Variants in ASRGL1 observed in about 807,000 individuals in gnomAD.
ASRGL1 encodes asparaginase and isoaspartyl peptidase 1.
Under a neutral mutation model 22.4 loss-of-function variants are expected in ASRGL1, and 16 were observed. The ratio of observed to expected loss-of-function variants is 0.71; its 90% CI spans 0.48 to 1.08. ASRGL1 has a LOEUF of 1.08. Ranked by LOEUF, ASRGL1 falls within the 50% of genes least tolerant of loss-of-function variation. ASRGL1 has a pLI of 0.00. For missense variants in ASRGL1, 412 were observed against 410.1 expected (o/e 1.00, Z -0.04); for synonymous variants, 165 against 159.3 (o/e 1.04, Z -0.27).
chr11:62,376,277 A>G lies in ASRGL1; in HGVS notation c.492-12856A>G, dbSNP rs1946928980. ...TGGCAACTTCGTCTGTTCTTCTGAC[A>G]TCACCATTCTGTTCATCATATGAGT... is the stretch of plus-strand genomic sequence containing the variant. On this transcript the variant is annotated intron_variant, in intron 4 of 6. Coordinates refer to ENST00000415229, the MANE Select transcript of ASRGL1 (RefSeq NM_001083926.2). 2.6e-5 allele frequency among the ~76,000 whole-genome samples: 4 copies of G among 151,568 alleles called. No homozygotes were observed. In the South Asian group the frequency reaches 8.4e-4, roughly 32 times the overall value.
At chr11:62,394,196 A>G (rs1326568184), downstream of ASRGL1, among the ~76,000 whole-genome samples, 9 of 130,960 alleles carry the variant, frequency 6.9e-5, no homozygotes, top group Admixed American at 7.2e-4. Flanking sequence ...ATATACTATT[A>G]TATATAATAT....
intron 4 of ASRGL1, among the ~76,000 whole-genome samples, chr11:62,387,740 A>G (rs1017848508): frequency 6.6e-6 from 1 of 151,950 alleles, no homozygotes; most frequent in African/African-American, 2.4e-5. Context: ...TTGTCACCTG[A>G]CATATTATTG....
At chr11:62,374,013 A>G (rs1314665543) in intron 4 of ASRGL1, among the ~76,000 whole-genome samples, 1 of 152,188 alleles carries the variant, frequency 6.6e-6, no homozygotes, top group Non-Finnish European at 1.5e-5. Context: ...ATCAGCCAGC[A>G]GTCAAATGCA....
chr11:62,396,945 G>A (rs34037877), downstream of ASRGL1, among the ~76,000 whole-genome samples: 1 of 152,170 alleles, frequency 6.6e-6, no homozygotes, highest in Non-Finnish European at 1.5e-5. Context: ...TAATACTGAG[G>A]CTCCTCTCAG....
At chr11:62,342,201 AAGG>A (rs1945881508) in intron 2 of ASRGL1, among the ~76,000 whole-genome samples, 1 of 152,214 alleles carries the variant, frequency 6.6e-6, no homozygotes, top group South Asian at 2.1e-4. Flanking sequence ...AGAACAAAGG[AAGG>A]AGGAAGTAAC....
At chr11:62,369,646 CA>C (rs1368887993) in intron 4 of ASRGL1, among the ~76,000 whole-genome samples, 1 of 152,104 alleles carries the variant, frequency 6.6e-6, no homozygotes, top group African/African-American at 2.4e-5. Context: ...TTTGTGAGAC[CA>C]TCAGGAACTG....
intron 4 of ASRGL1, chr11:62,371,693 T>C (rs1344465745): frequency 5.0e-6 from 3 of 598,836 alleles, no homozygotes; most frequent in South Asian, 1.4e-5. Context: ...TGGCTCAGGC[T>C]TGTAATCCCA....
At chr11:62,376,836 C>T (rs1466067901) in intron 4 of ASRGL1, among the ~76,000 whole-genome samples, 3 of 152,134 alleles carry the variant, frequency 2.0e-5, no homozygotes, top group African/African-American at 4.8e-5. Context: ...CTGGAACTCC[C>T]ATTACAGCAA....
intron 4 of ASRGL1, among the ~76,000 whole-genome samples, chr11:62,375,256 G>T (rs2134666848): frequency 6.6e-6 from 1 of 151,756 alleles, no homozygotes; most frequent in African/African-American, 2.4e-5. Context: ...CACTCCTAGA[G>T]AAAGGTACAC....
In ASRGL1 at chr11:62,358,224, G is replaced by A. The variant is rs541065979; in HGVS notation, c.491+1080G>A. On this transcript the variant is annotated intron_variant, in intron 4 of 6. Coordinates refer to ENST00000415229, the MANE Select transcript of ASRGL1 (RefSeq NM_001083926.2). ...TCTCTACTAAAGATACAAAAAATTA[G>A]CCAGGCATGATGGTGCGTGCCTGTA... Among the ~76,000 whole-genome samples the A allele has an allele frequency of 5.9e-5, 9 of 152,224 alleles. No individual in the cohort carries two copies. The South Asian group carries it at 1.0e-3, about 18-fold the overall frequency.
chr11:62,368,245 A>C (rs1027706040), intron 4 of ASRGL1, among the ~76,000 whole-genome samples: 1 of 152,208 alleles, frequency 6.6e-6, no homozygotes. Context: ...ATGTACATAC[A>C]GTATAGGCGA....
At chr11:62,346,728 G>A (rs1173870440) in intron 2 of ASRGL1, among the ~76,000 whole-genome samples, 1 of 152,162 alleles carries the variant, frequency 6.6e-6, no homozygotes, top group African/African-American at 2.4e-5. Flanking sequence ...CCAGCACTTT[G>A]GGAGGCCGAG....
intron 4 of ASRGL1, chr11:62,373,070 G>C: frequency 1.4e-6 from 2 of 1,440,298 alleles, no homozygotes; most frequent in East Asian, 4.6e-5. Context: ...TCTCAGAGCC[G>C]GTCGCCATGG....
chr11:62,359,487 A>G (rs1304169061), intron 4 of ASRGL1, among the ~76,000 whole-genome samples: 4 of 152,232 alleles, frequency 2.6e-5, no homozygotes, highest in Non-Finnish European at 5.9e-5. Flanking sequence ...TTATTTAACC[A>G]AATATATCCA....
intron 2 of ASRGL1, among the ~76,000 whole-genome samples, chr11:62,342,461 A>C (rs933681278): frequency 6.6e-6 from 1 of 152,234 alleles, no homozygotes; most frequent in Non-Finnish European, 1.5e-5. Flanking sequence ...TAGGGAGCAA[A>C]GTCTTTGAAG....
intron 4 of ASRGL1, among the ~76,000 whole-genome samples, chr11:62,362,108 C>T (rs1394080355): frequency 1.3e-5 from 2 of 152,052 alleles, no homozygotes; most frequent in Non-Finnish European, 1.5e-5. Flanking sequence ...TACAGCCCAT[C>T]ATTTGAAATT....
chr11:62,355,727 T>C (rs957961415), intron 2 of ASRGL1, among the ~76,000 whole-genome samples: 13 of 150,638 alleles, frequency 8.6e-5, no homozygotes, highest in African/African-American at 2.9e-4. Flanking sequence ...GATAAACAAG[T>C]GAACAAAGGT....
In ASRGL1 at chr11:62,356,971, T is replaced by C. The variant is rs1946313166; in HGVS notation, c.334-16T>C. ...TTTCAAAAAAACAATCATTTTCTCT[T>C]TTCTTTCTGGCTCAGACACCTCATT... On this transcript the variant is annotated splice_polypyrimidine_tract_variant and intron_variant, in intron 3 of 6. Coordinates refer to ENST00000415229, the MANE Select transcript of ASRGL1 (RefSeq NM_001083926.2). 2 of 1,568,350 alleles carry C rather than the reference T, an allele frequency of 1.3e-6. No individual in the cohort carries two copies. Among genetic ancestry groups the C allele is most frequent in the African/African-American group, 2.8e-5 (2 of 72,246 alleles).
intron 4 of ASRGL1, among the ~76,000 whole-genome samples, chr11:62,365,152 G>A (rs905727108): frequency 5.9e-5 from 9 of 152,242 alleles, no homozygotes; most frequent in Admixed American, 5.2e-4. Context: ...AAATGGGAAG[G>A]TGTAAGCCAG....
Sources: gnomAD v4.1 joint callset for allele counts (sites outside exome capture counted in the v4.1 genomes callset) on GRCh38, gnomAD v4.1.1 for gene constraint, MANE v1.5 for transcripts, NCBI Gene and HGNC (gene_info 2026-07-23, HGNC 2026-07-21) for gene names.